The following FUT9 variants were observed in gnomAD, a reference collection of about 807,000 sequenced individuals.
FUT9 encodes the protein fucosyltransferase 9.
FUT9 carries 15 observed loss-of-function variants against 29.7 expected under a neutral mutation model. That is an observed-to-expected ratio of 0.51 (90% CI 0.34 to 0.78). The LOEUF (loss-of-function observed/expected upper bound fraction) is 0.78. FUT9 is among the 30% of genes least tolerant of loss of function. The pLI, the probability that FUT9 is intolerant of heterozygous loss-of-function variation, is 0.01. For synonymous variants in FUT9, 169 were observed against 153.7 expected (o/e 1.10, Z -0.74); for missense variants, 319 against 425.4 (o/e 0.75, Z 2.20).
chr6:96,188,406 C>A (rs1488628444), intron 2 of FUT9, among the ~76,000 whole-genome samples: 1 of 152,076 alleles, frequency 6.6e-6, no homozygotes, highest in Non-Finnish European at 1.5e-5. Context: ...AGCAAGCAAT[C>A]CTGCCTTGGC....
chr6:96,068,581 T>C (rs1243423867), intron 1 of FUT9, among the ~76,000 whole-genome samples: 1 of 150,068 alleles, frequency 6.7e-6, no homozygotes, highest in Non-Finnish European at 1.5e-5. Flanking sequence ...CCTTCCTCTA[T>C]CGCATTGATT....
intron 1 of FUT9, among the ~76,000 whole-genome samples, chr6:96,107,978 T>C (rs2127959428): frequency 6.9e-6 from 1 of 145,054 alleles, no homozygotes; most frequent in African/African-American, 2.6e-5. Context: ...ACGTCTCTCA[T>C]GGCCACTTTT....
chr6:96,112,576 G>T (rs1419889405), intron 1 of FUT9, among the ~76,000 whole-genome samples: 1 of 152,086 alleles, frequency 6.6e-6, no homozygotes, highest in Non-Finnish European at 1.5e-5. Context: ...ATTGAATTTT[G>T]TTTTAAAATC....
intron 1 of FUT9, among the ~76,000 whole-genome samples, chr6:96,042,464 T>C (rs1288865207): frequency 2.0e-5 from 3 of 152,232 alleles, no homozygotes; most frequent in Admixed American, 6.5e-5. Flanking sequence ...ATTCTGTAAC[T>C]ACCATTATAT....
chr6:96,106,850 A>C (rs887018321), intron 1 of FUT9, among the ~76,000 whole-genome samples: 13 of 152,238 alleles, frequency 8.5e-5, no homozygotes, highest in African/African-American at 3.1e-4. Context: ...TTTGATTGAA[A>C]GACACAAAGT....
chr6:96,204,346 A>C lies in FUT9; in HGVS notation c.*111A>C. ...TTTTGTGTCACAATTTATTTTTATC[A>C]CCCTCTCTAGGGTAACGTGTATATT... is the stretch of plus-strand genomic sequence containing the variant. On this transcript the variant is annotated 3_prime_UTR_variant, in exon 3 of 3. Coordinates refer to ENST00000302103, the MANE Select transcript of FUT9 (RefSeq NM_006581.4). 1.4e-6 allele frequency: 1 copy of C among 730,634 alleles called. No homozygotes were observed. The highest frequency in any genetic ancestry group is 2.1e-6 in the Non-Finnish European group (1 of 481,590). 45.3% of individuals were successfully genotyped at this position (730,634 alleles called of 1,614,324 possible).
chr6:96,149,647 T>G (rs1772640379), intron 2 of FUT9, among the ~76,000 whole-genome samples: 1 of 152,192 alleles, frequency 6.6e-6, no homozygotes, highest in Non-Finnish European at 1.5e-5. Flanking sequence ...AGAAAAAATA[T>G]ATCTGTGCAT....
At chr6:96,103,159 T>G (rs1182574031) in intron 1 of FUT9, among the ~76,000 whole-genome samples, 1 of 152,200 alleles carries the variant, frequency 6.6e-6, no homozygotes, top group Non-Finnish European at 1.5e-5. Flanking sequence ...AATATTATCA[T>G]GTGACAGCAT....
At chr6:96,022,617 C>T (rs1416661795) in intron 1 of FUT9, among the ~76,000 whole-genome samples, 1 of 151,854 alleles carries the variant, frequency 6.6e-6, no homozygotes, top group African/African-American at 2.4e-5. Context: ...TTGAATGAGC[C>T]ACTTTTTCAT....
intron 1 of FUT9, among the ~76,000 whole-genome samples, chr6:96,083,622 T>A (rs1771272980): frequency 6.6e-6 from 1 of 152,006 alleles, no homozygotes; most frequent in Non-Finnish European, 1.5e-5. Context: ...TCACACCCTC[T>A]TCTCAGATTT....
At chr6:96,154,711 A>C (rs1344399748) in intron 2 of FUT9, among the ~76,000 whole-genome samples, 1 of 152,218 alleles carries the variant, frequency 6.6e-6, no homozygotes, top group Non-Finnish European at 1.5e-5. Flanking sequence ...TCTTCCTATA[A>C]TATTGTCCAA....
chr6:96,084,917 A>T (rs1771291249), intron 1 of FUT9, among the ~76,000 whole-genome samples: 1 of 152,044 alleles, frequency 6.6e-6, no homozygotes, highest in African/African-American at 2.4e-5. Context: ...TAATTATTTT[A>T]TATAAAGGAT....
In FUT9 at chr6:96,213,925, G is replaced by A. The variant is rs573390672; in HGVS notation, c.*9690G>A. The A allele has an allele frequency of 1.2e-5, 2 of 167,032 alleles. No individual in the cohort carries two copies. Among genetic ancestry groups the A allele is most frequent in the African/African-American group, 4.8e-5 (2 of 41,552 alleles). 10.3% of individuals were successfully genotyped at this position (167,032 alleles called of 1,614,324 possible). On this transcript the variant is annotated 3_prime_UTR_variant, in exon 3 of 3. Transcript: ENST00000302103. ...AAATTGCATGCAATTGGTGAATCAT[G>A]CAGCTTTGGGGACATTTACACTGCC...
At chr6:96,055,471 T>C (rs993320386) in intron 1 of FUT9, among the ~76,000 whole-genome samples, 2 of 151,902 alleles carry the variant, frequency 1.3e-5, no homozygotes, top group African/African-American at 4.8e-5. Context: ...TTATATTTAG[T>C]ATATGCAATA....
intron 2 of FUT9, among the ~76,000 whole-genome samples, chr6:96,188,289 AT>A (rs1562157612): frequency 6.6e-6 from 1 of 151,330 alleles, no homozygotes; most frequent in Non-Finnish European, 1.5e-5. Context: ...ATTTTTAGAG[AT>A]GGGACCTGAC....
At chr6:96,078,712 A>G (rs62419390) in intron 1 of FUT9, among the ~76,000 whole-genome samples, 1 of 151,514 alleles carries the variant, frequency 6.6e-6, no homozygotes, top group Non-Finnish European at 1.5e-5. Flanking sequence ...GAGCCACCGC[A>G]CCCGGCCCAT....
chr6:96,199,041 G>A (rs911608571), intron 2 of FUT9, among the ~76,000 whole-genome samples: 1 of 152,052 alleles, frequency 6.6e-6, no homozygotes, highest in Non-Finnish European at 1.5e-5. Flanking sequence ...CCCAGATTCT[G>A]TTATTTTTTA....
chr6:96,023,566 TGA>T (rs1770110920), intron 1 of FUT9, among the ~76,000 whole-genome samples: 2 of 151,928 alleles, frequency 1.3e-5, no homozygotes, highest in South Asian at 4.1e-4. Context: ...GGCTATGTTG[TGA>T]CTTGATCTTT....
intron 2 of FUT9, among the ~76,000 whole-genome samples, chr6:96,136,370 A>C (rs2127971309): frequency 6.6e-6 from 1 of 152,012 alleles, no homozygotes; most frequent in South Asian, 2.1e-4. Context: ...AGTATTCAAA[A>C]CTATCTAAAG....
Sources: gnomAD v4.1 joint callset for allele counts (sites outside exome capture counted in the v4.1 genomes callset) on GRCh38, gnomAD v4.1.1 for gene constraint, MANE v1.5 for transcripts, NCBI Gene and HGNC (gene_info 2026-07-23, HGNC 2026-07-21) for gene names.